GSTP1: variants seen among roughly 807,000 people sequenced by gnomAD.
GSTP1 encodes the protein glutathione S-transferase P.
GSTP1 carries 28 observed loss-of-function variants against 29.4 expected under a neutral mutation model. The observed-to-expected ratio is 0.95, with a 90% CI of 0.71 to 1.30. The LOEUF (loss-of-function observed/expected upper bound fraction) is 1.30. Ranked by LOEUF, GSTP1 falls within the 50% of genes most tolerant of loss-of-function variation. The pLI is 0.00. For synonymous variants in GSTP1, 122 were observed against 117.0 expected (o/e 1.04, Z -0.28); for missense variants, 267 against 266.1 (o/e 1.00, Z -0.02).
At chr11:67,586,249 C>T in intron 6 of GSTP1, 38 bp downstream of exon 6, 2 of 1,550,710 alleles carry the variant, frequency 1.3e-6, no homozygotes, top group Non-Finnish European at 1.8e-6. Context: ...TCCTCGCCAC[C>T]CTCTGCTTCC....
At position 67,584,466 on chromosome 11, in the gene GSTP1, CGCTGCGCGGCCCTGCGCAT is replaced by C; in HGVS notation, c.46_64del (p.Ala16TrpfsTer13). 6.6e-7 allele frequency: 1 copy of C among 1,508,796 alleles called. No homozygotes were observed. The highest frequency in any genetic ancestry group is 8.9e-7 in the Non-Finnish European group (1 of 1,125,504). 93.5% of individuals were successfully genotyped at this position (1,508,796 alleles called of 1,614,324 possible). On this transcript the variant is annotated frameshift_variant, in exon 3 of 7. Transcript: ENST00000398606. LOFTEE classifies it high-confidence loss of function. ...CTCGTACTTCTCCCTCCCCGCAGGCCGCTGCGCGGCCCTGCGCATGCTGCTGGCAGATCAGGGCCAGAGC... is the reference window on the plus strand; with the variant it reads ...CTCGTACTTCTCCCTCCCCGCAGGCCGCTGCTGGCAGATCAGGGCCAGAGC...
In GSTP1 at chr11:67,585,979, C is replaced by T. The variant is rs1591100450; in HGVS notation, c.337-125C>T. 20 of 679,702 alleles carry T rather than the reference C, an allele frequency of 2.9e-5. No individual in the cohort carries two copies. The South Asian group carries it at 3.5e-4, about 12-fold the overall frequency. The allele number at this position is 679,702 out of a possible 1,614,324, so 42.1% of individuals were successfully genotyped here. ...CAGCTGAAGTGGACAGGATTTGGTA[C>T]TAGCCTGGTTGTGGGGAGCAAGCAG... On this transcript the variant is annotated intron_variant, in intron 5 of 6. Coordinates refer to ENST00000398606, the MANE Select transcript of GSTP1 (RefSeq NM_000852.4).
chr11:67,586,044 G>T, intron 5 of GSTP1, 60 bp from the exon 6 acceptor site: 1 of 1,270,102 alleles, frequency 7.9e-7, no homozygotes, highest in Non-Finnish European at 1.1e-6. Context: ...TGGGGCAGAC[G>T]GGGGTGTCTC....
rs1256761402 is a variant in GSTP1 at position 67,584,540 on chromosome 11, G to A, written c.114G>A (p.Thr38=). Residue 38 remains threonine, a synonymous_variant, in exon 3 of 7, where the codon ACG becomes ACA. Transcript: ENST00000398606. The part of the protein sequence containing the change: ...SWKEEVVTVE[T]WQEGSLKASC... ...AGGAGGAGGTGGTGACCGTGGAGAC[G>A]TGGCAGGAGGGCTCACTCAAAGCCT... 1 of 1,598,386 alleles carries A rather than the reference G, an allele frequency of 6.3e-7. No individual in the cohort carries two copies. The highest frequency in any genetic ancestry group is 1.1e-5 in the South Asian group (1 of 89,936).
rs746337625 is a variant in GSTP1 at position 67,586,407 on chromosome 11, A to C, written c.463A>C (p.Asn155His). ...VGDQISFADY[N>H]LLDLLLIHEV... The stretch of plus-strand genomic sequence containing the variant: ...CCTGCAGATCTCCTTCGCTGACTAC[A>C]ACCTGCTGGACTTGCTGCTGATCCA... The change falls in exon 7 of 7, where the codon AAC becomes CAC. Residue 155 changes from asparagine (N) to histidine (H), a missense_variant. Asn to His is a moderately conservative substitution (Grantham distance 68). Coordinates refer to ENST00000398606, the MANE Select transcript of GSTP1 (RefSeq NM_000852.4). 6.2e-7 allele frequency: 1 copy of C among 1,613,774 alleles called. No individual in the cohort carries two copies. The highest frequency in any genetic ancestry group is 1.1e-5 in the South Asian group (1 of 91,060).
chr11:67,584,853 C>T (rs1591099738), intron 4 of GSTP1, 81 bp downstream of exon 4: 10 of 1,070,738 alleles, frequency 9.3e-6, no homozygotes, highest in East Asian at 7.1e-5. Context: ...TCAGCTGCCC[C>T]GCAGCCCTCT....
rs1867425961 is a variant in GSTP1 at position 67,584,179 on chromosome 11, T to A, written c.37+10T>A. 1.9e-6 allele frequency: 3 copies of A among 1,609,232 alleles called. No individual in the cohort carries two copies. Among genetic ancestry groups the A allele is most frequent in the Admixed American group, 1.7e-5 (1 of 59,968 alleles). The stretch of plus-strand genomic sequence containing the variant: ...TATTTCCCAGTTCGAGGTAGGAGCA[T>A]GTGTCTGGCAGGGAAGGGAGGCAGG... On this transcript the variant is annotated intron_variant, in intron 2 of 6. Coordinates refer to ENST00000398606, the MANE Select transcript of GSTP1 (RefSeq NM_000852.4).
rs45478796 is a variant in GSTP1, at chr11:67,584,300, G to C, written c.37+131G>C. On this transcript the variant is annotated intron_variant, in intron 2 of 6. Transcript: ENST00000398606. The stretch of plus-strand genomic sequence containing the variant: ...GGCTTTTACCCCGGGCCTCCTTCCT[G>C]TTCCCCGCCTCTCCCGCCATGCCTG... 1.1e-3 allele frequency: 846 copies of C among 770,758 alleles called. 9 individuals are homozygous for C. In the African/African-American group the frequency reaches 0.014, roughly 12 times the overall value. 47.7% of individuals were successfully genotyped at this position (770,758 alleles called of 1,614,324 possible).
At position 67,586,399 on chromosome 11, in the gene GSTP1, C is replaced by T. The variant is rs1867467385; in HGVS notation, c.455C>T (p.Ala152Val). The T allele has an allele frequency of 6.2e-7, 1 of 1,613,132 alleles. No homozygotes were observed. The highest frequency in any genetic ancestry group is 1.1e-5 in the South Asian group (1 of 91,028). ...CCCCCTGCCCTGCAGATCTCCTTCG[C>T]TGACTACAACCTGCTGGACTTGCTG... is the stretch of plus-strand genomic sequence containing the variant. ...TFIVGDQISF[A>V]DYNLLDLLLI... The change falls in exon 7 of 7, where the codon GCT becomes GTT. Residue 152 changes from alanine to valine, a missense_variant. Ala to Val is a moderately conservative substitution (Grantham distance 64). Transcript: ENST00000398606.
At chr11:67,586,343 C>T in intron 6 of GSTP1, 46 bp from the exon 7 acceptor site, 2 of 1,580,120 alleles carry the variant, frequency 1.3e-6, no homozygotes, top group Non-Finnish European at 1.7e-6. Flanking sequence ...CCCAATTCCT[C>T]CAGCCTGCTC....
chr11:67,585,171 T>TGGTGGACATGGTGAATGAC lies in GSTP1; in HGVS notation c.269_287dup (p.Val97GlyfsTer5). On this transcript the variant is annotated frameshift_variant, in exon 5 of 7. Coordinates refer to ENST00000398606, the MANE Select transcript of GSTP1 (RefSeq NM_000852.4). LOFTEE classifies it high-confidence loss of function. Reference sequence around the variant, plus strand: ...GGGAAGGACCAGCAGGAGGCAGCCCTGGTGGACATGGTGAATGACGGCGTG... The same window carrying TGGTGGACATGGTGAATGAC: ...GGGAAGGACCAGCAGGAGGCAGCCCTGGTGGACATGGTGAATGACGGTGGACATGGTGAATGACGGCGTG... 6.2e-7 allele frequency: 1 copy of TGGTGGACATGGTGAATGAC among 1,613,764 alleles called. No individual in the cohort carries two copies. Among genetic ancestry groups the TGGTGGACATGGTGAATGAC allele is most frequent in the Non-Finnish European group, 8.5e-7 (1 of 1,179,702 alleles).
In GSTP1 at chr11:67,586,473, C is replaced by T; in HGVS notation, c.529C>T (p.Leu177Phe). 6.2e-7 allele frequency: 1 copy of T among 1,614,152 alleles called. No homozygotes were observed. The highest frequency in any genetic ancestry group is 8.5e-7 in the Non-Finnish European group (1 of 1,179,984). ...APGCLDAFPL[L>F]SAYVGRLSAR... The stretch of plus-strand genomic sequence containing the variant: ...TGGCTGCCTGGATGCGTTCCCCCTG[C>T]TCTCAGCATATGTGGGGCGCCTCAG... Residue 177 changes from leucine to phenylalanine, a missense_variant, in exon 7 of 7, where the codon CTC becomes TTC. Physicochemically the swap from Leu to Phe is conservative, Grantham distance 22. Coordinates refer to ENST00000398606, the MANE Select transcript of GSTP1 (RefSeq NM_000852.4).
Position 67,585,214 on chromosome 11 carries a change from ATACATCTCCCTCATC to A in GSTP1, c.314_328del (p.Ile105_Tyr109del). Reference sequence around the variant, plus strand: ...ACGGCGTGGAGGACCTCCGCTGCAAATACATCTCCCTCATCTACACCAACTATGTGAGCATCTGCA... The same window carrying A: ...ACGGCGTGGAGGACCTCCGCTGCAAATACACCAACTATGTGAGCATCTGCA... On this transcript the variant is annotated inframe_deletion, in exon 5 of 7. Transcript: ENST00000398606. 1 of 1,600,810 alleles carries A rather than the reference ATACATCTCCCTCATC, an allele frequency of 6.2e-7. No homozygotes were observed. Among genetic ancestry groups the A allele is most frequent in the Non-Finnish European group, 8.5e-7 (1 of 1,172,308 alleles).
intron 2 of GSTP1, 69 bp downstream of exon 2, chr11:67,584,238 C>T (rs903219486): frequency 3.2e-6 from 4 of 1,235,590 alleles, no homozygotes; most frequent in Non-Finnish European, 1.2e-6. Flanking sequence ...CCTCGCCCAC[C>T]CGGAGAGATC....
At position 67,584,551 on chromosome 11, in the gene GSTP1, G is replaced by T; in HGVS notation, c.125G>T (p.Gly42Val). 1 of 1,600,390 alleles carries T rather than the reference G, an allele frequency of 6.2e-7. No homozygotes were observed. Among genetic ancestry groups the T allele is most frequent in the Non-Finnish European group, 8.5e-7 (1 of 1,172,212 alleles). The change falls in exon 3 of 7, where the codon GGC becomes GTC. Residue 42 changes from glycine to valine, a missense_variant. Gly to Val is a moderately radical substitution (Grantham distance 109). Coordinates refer to ENST00000398606, the MANE Select transcript of GSTP1 (RefSeq NM_000852.4). Reference protein sequence around the residue: ...EVVTVETWQEGSLKASCLYGQ... With the variant: ...EVVTVETWQEVSLKASCLYGQ... Reference sequence around the variant, plus strand: ...GTGACCGTGGAGACGTGGCAGGAGGGCTCACTCAAAGCCTCCTGCGTAAGT... The same window carrying T: ...GTGACCGTGGAGACGTGGCAGGAGGTCTCACTCAAAGCCTCCTGCGTAAGT...
In GSTP1 at chr11:67,586,373, C is replaced by T. The variant is rs1871042; in HGVS notation, c.445-16C>T. The T allele has an allele frequency of 0.33, 523,984 of 1,599,400 alleles. 88,654 individuals carry two copies. Among genetic ancestry groups the T allele is most frequent in the Non-Finnish European group, 0.36 (415,581 of 1,170,236 alleles). ...CTGCTCCCGCTGGCTGAGTCCCTGG[C>T]CCCCCTGCCCTGCAGATCTCCTTCG... On this transcript the variant is annotated splice_polypyrimidine_tract_variant and intron_variant, in intron 6 of 6. Coordinates refer to ENST00000398606, the MANE Select transcript of GSTP1 (RefSeq NM_000852.4).
intron 6 of GSTP1, 22 bp downstream of exon 6, chr11:67,586,233 G>C (rs1202356325): frequency 1.3e-6 from 2 of 1,576,640 alleles, no homozygotes; most frequent in Admixed American, 1.7e-5. Flanking sequence ...GCCCCATGCT[G>C]TTCCTTCCTC....
chr11:67,585,910 A>C (rs743679), intron 5 of GSTP1, among the ~76,000 whole-genome samples, 194 bp from the exon 6 acceptor site: 1 of 151,954 alleles, frequency 6.6e-6, no homozygotes, highest in Non-Finnish European at 1.5e-5. Flanking sequence ...TGGTGAGAGA[A>C]CCCAGCAAGG....
chr11:67,584,616 G>A (rs763629688), intron 3 of GSTP1, 46 bp downstream of exon 3: 2 of 1,573,392 alleles, frequency 1.3e-6, no homozygotes, highest in Non-Finnish European at 8.7e-7. Flanking sequence ...TGGGCCTTAG[G>A]GGGCTGTGAC....
Sources: allele counts gnomAD v4.1 joint callset (sites outside exome capture counted in the v4.1 genomes callset), GRCh38; gene constraint gnomAD v4.1.1; transcripts MANE v1.5; gene names NCBI Gene and HGNC (gene_info 2026-07-23, HGNC 2026-07-21).